The following ACVR1 variants were observed in gnomAD, a reference collection of about 807,000 sequenced individuals.
ACVR1 encodes activin A receptor type 1.
In ACVR1, 38 loss-of-function variants were observed where a neutral mutation model predicts 57.1. The observed-to-expected ratio is 0.67, with a 90% confidence interval of 0.51 to 0.87. ACVR1 has a LOEUF of 0.87. Ranked by LOEUF, ACVR1 falls within the 40% of genes least tolerant of loss-of-function variation. The pLI is 0.00. For missense variants in ACVR1, 463 were observed against 638.2 expected (o/e 0.73, Z 2.96); for synonymous variants, 212 against 228.1 (o/e 0.93, Z 0.63).
chr2:157,816,628 G>A (rs567224551), intron 2 of ACVR1, among the ~76,000 whole-genome samples: 2 of 151,214 alleles, frequency 1.3e-5, no homozygotes, highest in South Asian at 4.2e-4. Context: ...ATAATAATAA[G>A]GCTGTTTTAT....
chr2:157,782,721 T>C (rs1007524018), intron 3 of ACVR1, among the ~76,000 whole-genome samples: 1 of 151,274 alleles, frequency 6.6e-6, no homozygotes, highest in Non-Finnish European at 1.5e-5. Flanking sequence ...AGGGGGAGAG[T>C]TCATGGTGTC....
At chr2:157,864,169 A>G (rs936993927) in intron 1 of ACVR1, among the ~76,000 whole-genome samples, 2 of 151,636 alleles carry the variant, frequency 1.3e-5, no homozygotes, top group Non-Finnish European at 2.9e-5. Context: ...GCCTTGCAGG[A>G]GCAAATTCTA....
intron 2 of ACVR1, among the ~76,000 whole-genome samples, chr2:157,815,824 C>T (rs1687915232): frequency 6.6e-6 from 1 of 152,208 alleles, no homozygotes; most frequent in Admixed American, 6.5e-5. Flanking sequence ...CAGCCCCAAG[C>T]CGTGCATCGT....
At chr2:157,866,291 T>C (rs1034052808) in intron 1 of ACVR1, among the ~76,000 whole-genome samples, 3 of 152,082 alleles carry the variant, frequency 2.0e-5, no homozygotes, top group African/African-American at 7.2e-5. Flanking sequence ...CTGAGACAGA[T>C]TCACCGCACT....
At chr2:157,780,236 T>G in intron 4 of ACVR1, 101 bp downstream of exon 4, 2 of 1,528,744 alleles carry the variant, frequency 1.3e-6, no homozygotes, top group Non-Finnish European at 1.8e-6. Context: ...ATTCAAAATG[T>G]AGGTGGAATG....
chr2:157,759,177 A>T (rs1685549130), intron 9 of ACVR1, among the ~76,000 whole-genome samples: 2 of 152,076 alleles, frequency 1.3e-5, no homozygotes, highest in African/African-American at 4.8e-5. Context: ...AAGTAATCAT[A>T]CAAAGGATTA....
At chr2:157,817,152 G>A (rs1220743477) in intron 2 of ACVR1, among the ~76,000 whole-genome samples, 5 of 151,714 alleles carry the variant, frequency 3.3e-5, no homozygotes, top group South Asian at 2.1e-4. Flanking sequence ...TTGTAGAGAC[G>A]GAGTCTCACT....
chr2:157,801,130 T>C (rs1381298405), intron 2 of ACVR1, among the ~76,000 whole-genome samples: 3 of 152,192 alleles, frequency 2.0e-5, no homozygotes, highest in Non-Finnish European at 2.9e-5. Flanking sequence ...AAACTGTTTT[T>C]TCATAAGAAT....
intron 1 of ACVR1, among the ~76,000 whole-genome samples, chr2:157,828,831 A>G (rs1356421934): frequency 1.3e-5 from 2 of 152,036 alleles, no homozygotes; most frequent in African/African-American, 4.8e-5. Flanking sequence ...CAGTGGCACA[A>G]TCTTGGCTCA....
intron 10 of ACVR1, among the ~76,000 whole-genome samples, chr2:157,737,979 G>A (rs1278076849): frequency 6.6e-6 from 1 of 152,134 alleles, no homozygotes; most frequent in African/African-American, 2.4e-5. Context: ...AGATAATCCT[G>A]AAATTTCCAA....
At chr2:157,793,518 C>A (rs1233864673) in intron 3 of ACVR1, among the ~76,000 whole-genome samples, 1 of 152,134 alleles carries the variant, frequency 6.6e-6, no homozygotes, top group African/African-American at 2.4e-5. Context: ...AATAAAGAAG[C>A]AGTGTCTTAA....
chr2:157,782,850 A>G (rs1266583185), intron 3 of ACVR1, among the ~76,000 whole-genome samples: 1 of 152,238 alleles, frequency 6.6e-6, no homozygotes, highest in Non-Finnish European at 1.5e-5. Flanking sequence ...GAGTACTTTT[A>G]AAAGATCATA....
intron 3 of ACVR1, among the ~76,000 whole-genome samples, chr2:157,797,848 A>G (rs1687176832): frequency 6.6e-6 from 1 of 152,142 alleles, no homozygotes; most frequent in Non-Finnish European, 1.5e-5. Flanking sequence ...AGGTGAGGGT[A>G]TTAGGGCAGA....
At chr2:157,763,600 A>C (rs538542498) in intron 8 of ACVR1, among the ~76,000 whole-genome samples, 1 of 152,258 alleles carries the variant, frequency 6.6e-6, no homozygotes, top group South Asian at 2.1e-4. Context: ...ACACACCTGT[A>C]GTCCCAGCTG....
chr2:157,855,753 G>A (rs1204324353), intron 1 of ACVR1, among the ~76,000 whole-genome samples: 2 of 152,100 alleles, frequency 1.3e-5, no homozygotes, highest in Admixed American at 6.6e-5. Flanking sequence ...GGTCATTACT[G>A]TCTGAATTAT....
intron 9 of ACVR1, among the ~76,000 whole-genome samples, chr2:157,757,045 A>ATATATATATATATATATATATATATATAT (rs1559039330): frequency 2.0e-5 from 2 of 98,166 alleles, no homozygotes; most frequent in African/African-American, 8.3e-5. Context: ...TATATATATA[A>ATATATATATATATATATATATATATATAT]AATAGAATAC....
At chr2:157,839,739 G>A (rs113927470) in intron 1 of ACVR1, among the ~76,000 whole-genome samples, 4 of 152,214 alleles carry the variant, frequency 2.6e-5, no homozygotes, top group Non-Finnish European at 2.9e-5. Flanking sequence ...CTGCTTCTGG[G>A]GGATGCCAGA....
chr2:157,776,295 T>C (rs1559050234), intron 5 of ACVR1, among the ~76,000 whole-genome samples: 1 of 152,230 alleles, frequency 6.6e-6, no homozygotes, highest in African/African-American at 2.4e-5. Context: ...TTATTGCCCT[T>C]GGTAATTAGT....
chr2:157,773,644 C>T (rs1686156214), intron 6 of ACVR1, among the ~76,000 whole-genome samples: 6 of 152,046 alleles, frequency 3.9e-5, no homozygotes, highest in Admixed American at 3.9e-4. Context: ...TTATAAAGAT[C>T]CCTTTGCTAG....
Sources: gnomAD v4.1 joint callset for allele counts (sites outside exome capture counted in the v4.1 genomes callset) on GRCh38, gnomAD v4.1.1 for gene constraint, MANE v1.5 for transcripts, NCBI Gene and HGNC (gene_info 2026-07-23, HGNC 2026-07-21) for gene names.